Variants in CCDC125 observed in about 807,000 individuals in gnomAD.
The protein encoded by CCDC125 is coiled-coil domain-containing protein 125.
In CCDC125, 43 loss-of-function variants were observed where a neutral mutation model predicts 57.4. The observed-to-expected ratio is 0.75, with a 90% CI of 0.59 to 0.97. The LOEUF is 0.97. Among genes scored for constraint, CCDC125 ranks in the 50% least tolerant of loss-of-function variants. The probability of loss-of-function intolerance (pLI) is 0.00; values close to 1 mark genes in which losing one functional copy is unlikely to be tolerated. For synonymous variants in CCDC125, 187 were observed against 195.2 expected (o/e 0.96, Z 0.35); for missense variants, 563 against 595.7 (o/e 0.95, Z 0.57).
chr5:69,285,305 C>T (rs959654063), intron 11 of CCDC125, 32 bp downstream of exon 11: 2 of 1,609,228 alleles, frequency 1.2e-6, no homozygotes, highest in Non-Finnish European at 1.7e-6. Context: ...TTGGCTTAAC[C>T]ATAACCTGCA....
At chr5:69,286,828 C>T (rs887802273) in intron 10 of CCDC125, among the ~76,000 whole-genome samples, 1 of 151,990 alleles carries the variant, frequency 6.6e-6, no homozygotes, top group Non-Finnish European at 1.5e-5. Flanking sequence ...ACGAGGGCGG[C>T]CCTGACCCCT....
chr5:69,322,131 G>A (rs935473612), intron 1 of CCDC125, among the ~76,000 whole-genome samples: 2 of 151,664 alleles, frequency 1.3e-5, no homozygotes, highest in Non-Finnish European at 2.9e-5. Context: ...ATGAGCCACC[G>A]CGCCCAGCTG....
At chr5:69,284,531 C>G (rs772371712) in intron 11 of CCDC125, among the ~76,000 whole-genome samples, 6 of 152,034 alleles carry the variant, frequency 3.9e-5, no homozygotes, top group Non-Finnish European at 8.8e-5. Context: ...ACTACAGGAG[C>G]CCCCTGTTTT....
chr5:69,285,418 A>G lies in CCDC125; in HGVS notation c.1149T>C (p.Gly383=), dbSNP rs1386892979. The G allele has an allele frequency of 1.2e-6, 2 of 1,610,492 alleles. No homozygotes were observed. The highest frequency in any genetic ancestry group is 2.7e-5 in the African/African-American group (2 of 74,718). The stretch of plus-strand genomic sequence containing the variant: ...TAGAACTGTTTTCTGAAGGGAGCAT[A>G]CCCAACAGTCTCTGCCCGAAGGTCT... ...SKKTFGQRLL[G]MLPSENSSKR... is the part of the protein sequence containing the mutation. Residue 383 remains glycine (G), a synonymous_variant, in exon 11 of 12, where the codon GGT becomes GGC. Coordinates refer to ENST00000396496, the MANE Select transcript of CCDC125 (RefSeq NM_176816.5).
chr5:69,331,322 T>A (rs1761390760), intron 1 of CCDC125, among the ~76,000 whole-genome samples: 1 of 151,736 alleles, frequency 6.6e-6, no homozygotes, highest in South Asian at 2.1e-4. Context: ...AACCTAGACC[T>A]CCTGGGTTCA....
intron 6 of CCDC125, among the ~76,000 whole-genome samples, chr5:69,305,346 T>C (rs1331645298): frequency 1.3e-5 from 2 of 152,104 alleles, no homozygotes; most frequent in Non-Finnish European, 2.9e-5. Context: ...CCTGAGTAGC[T>C]GGGATACAGG....
intron 3 of CCDC125, among the ~76,000 whole-genome samples, chr5:69,312,377 C>A (rs1758295948): frequency 6.6e-6 from 1 of 152,184 alleles, no homozygotes; most frequent in African/African-American, 2.4e-5. Flanking sequence ...TTTTAAGCCA[C>A]CAGTTTGTGG....
At position 69,282,766 on chromosome 5, in the gene CCDC125, T is replaced by C. The variant is rs1390122783; in HGVS notation, c.1499A>G (p.Lys500Arg). ...ACTTGATGGCAAAGAATGGGATCTT[T>C]TAAGAGTTCTATAGTTTGGATCTAT... ...SQIDPNYRTL[K>R]RSHSLPSSII... Residue 500 changes from lysine to arginine, a missense_variant, in exon 12 of 12, where the codon AAA becomes AGA. By Grantham distance (26) the Lys-to-Arg change is conservative. Coordinates refer to ENST00000396496, the MANE Select transcript of CCDC125 (RefSeq NM_176816.5). The C allele has an allele frequency of 6.2e-7, 1 of 1,604,656 alleles. No homozygotes were observed.
At chr5:69,307,662 A>G in intron 5 of CCDC125, 1 of 308,364 alleles carries the variant, frequency 3.2e-6, no homozygotes. Flanking sequence ...AGCCTGGGCG[A>G]CAGAGCAGGA....
At chr5:69,276,225 C>T (rs939239418), downstream of CCDC125, among the ~76,000 whole-genome samples, 14 of 152,038 alleles carry the variant, frequency 9.2e-5, no homozygotes, top group Non-Finnish European at 2.1e-4. Flanking sequence ...GATGGAGTTT[C>T]GCCACGTTGG....
At chr5:69,320,786 GGTGTGT>G (rs145801965) in intron 1 of CCDC125, among the ~76,000 whole-genome samples, 3 of 148,240 alleles carry the variant, frequency 2.0e-5, no homozygotes, top group Non-Finnish European at 4.5e-5. Flanking sequence ...TATGGTGTGG[GGTGTGT>G]GTGTGTGTGT....
At chr5:69,328,781 T>C (rs1046940004) in intron 1 of CCDC125, among the ~76,000 whole-genome samples, 2 of 151,966 alleles carry the variant, frequency 1.3e-5, no homozygotes, top group African/African-American at 2.4e-5. Context: ...GGTTCCTTCA[T>C]ACTTTATACG....
intron 6 of CCDC125, 35 bp downstream of exon 6, chr5:69,306,782 G>C (rs778064356): frequency 7.3e-7 from 1 of 1,366,668 alleles, no homozygotes; most frequent in Non-Finnish European, 9.5e-7. Context: ...GATTTTAAAG[G>C]TTGTCAAAGA....
At chr5:69,322,570 A>T (rs545054108) in intron 1 of CCDC125, among the ~76,000 whole-genome samples, 32 of 145,978 alleles carry the variant, frequency 2.2e-4, no homozygotes, top group African/African-American at 5.0e-4. Context: ...CAAAAAAAAA[A>T]TTTTTTTTTT....
At chr5:69,329,184 T>G (rs1222835985) in intron 1 of CCDC125, among the ~76,000 whole-genome samples, 1 of 152,000 alleles carries the variant, frequency 6.6e-6, no homozygotes, top group Non-Finnish European at 1.5e-5. Flanking sequence ...AAGTATTTAT[T>G]TTTATATGGA....
At position 69,313,966 on chromosome 5, in the gene CCDC125, T is replaced by C; in HGVS notation, c.366+19A>G. 6.4e-7 allele frequency: 1 copy of C among 1,567,970 alleles called. No individual in the cohort carries two copies. Among genetic ancestry groups the C allele is most frequent in the Non-Finnish European group, 8.8e-7 (1 of 1,138,096 alleles). ...GACCCAGCTAAACTGATAATTTTTATATTAGCCAGAGTACCTACCTCTAAA... is the reference window on the plus strand; with the variant it reads ...GACCCAGCTAAACTGATAATTTTTACATTAGCCAGAGTACCTACCTCTAAA... On this transcript the variant is annotated intron_variant, in intron 3 of 11. Coordinates refer to ENST00000396496, the MANE Select transcript of CCDC125 (RefSeq NM_176816.5).
intron 7 of CCDC125, among the ~76,000 whole-genome samples, chr5:69,300,913 A>G (rs892060891): frequency 1.3e-5 from 2 of 150,864 alleles, no homozygotes; most frequent in African/African-American, 4.9e-5. Flanking sequence ...TGTGTAAGAG[A>G]CAGAGTCTTG....
In CCDC125 at chr5:69,280,526, T is replaced by G. The variant is rs1752412266; in HGVS notation, c.*2203A>C. The G allele has an allele frequency of 6.6e-6, 1 of 152,336 alleles. No individual in the cohort carries two copies. Among genetic ancestry groups the G allele is most frequent in the East Asian group, 1.9e-4 (1 of 5,186 alleles). The allele number at this position is 152,336 out of a possible 1,614,324, so 9.4% of individuals were successfully genotyped here. A position where few individuals can be genotyped will look rare whatever the true frequency, so the allele number is the denominator to read the frequency against. ...AGCAATAATCAATGCTGTCTCACCC[T>G]TACGAGCAGCCGGCCCTGAATTCTC... On this transcript the variant is annotated 3_prime_UTR_variant, in exon 12 of 12. Coordinates refer to ENST00000396496, the MANE Select transcript of CCDC125 (RefSeq NM_176816.5).
At chr5:69,331,800 C>T (rs887671037) in intron 1 of CCDC125, among the ~76,000 whole-genome samples, 3 of 152,184 alleles carry the variant, frequency 2.0e-5, no homozygotes, top group African/African-American at 7.2e-5. Flanking sequence ...GACAGCACTC[C>T]CTCCAGTAGC....
Sources: gnomAD v4.1 joint callset for allele counts (sites outside exome capture counted in the v4.1 genomes callset) on GRCh38, gnomAD v4.1.1 for gene constraint, MANE v1.5 for transcripts, NCBI Gene and HGNC (gene_info 2026-07-23, HGNC 2026-07-21) for gene names.